The following CSTPP1 variants were observed in gnomAD, a reference collection of about 807,000 sequenced individuals.
CSTPP1 encodes centriolar satellite-associated tubulin polyglutamylase complex regulator 1.
chr11:47,052,290 C>G, the CSTPP1 span: 1 of 1,436,462 alleles, frequency 7.0e-7, no homozygotes. Context: ...AAAAATTCCC[C>G]GTTTTTGGCA....
chr11:47,135,826 G>A, the CSTPP1 span, among the ~76,000 whole-genome samples: 8 of 152,248 alleles, frequency 5.3e-5, no homozygotes, highest in South Asian at 1.2e-3. Context: ...AGAGAAGCAC[G>A]CAGTGATTTT....
the CSTPP1 span, among the ~76,000 whole-genome samples, chr11:47,087,557 G>A: frequency 6.6e-6 from 1 of 152,062 alleles, no homozygotes; most frequent in Admixed American, 6.6e-5. Context: ...AAATTAGCTG[G>A]GCATGGTGGT....
chr11:46,984,538 T>C, the CSTPP1 span, among the ~76,000 whole-genome samples: 5 of 152,168 alleles, frequency 3.3e-5, no homozygotes, highest in East Asian at 9.6e-4. Context: ...TTTCTTTCTT[T>C]CCTTTTTTAT....
the CSTPP1 span, among the ~76,000 whole-genome samples, chr11:47,114,904 G>T: frequency 6.6e-6 from 1 of 152,160 alleles, no homozygotes; most frequent in Admixed American, 6.6e-5. Flanking sequence ...TCCTTGTCTT[G>T]TGCCGGTTTT....
chr11:47,054,310 C>CA, the CSTPP1 span, among the ~76,000 whole-genome samples: 1,307 of 40,002 alleles, frequency 0.033, 34 homozygotes, highest in African/African-American at 0.057. Flanking sequence ...TACTCCGTCT[C>CA]AAAAAAAAAA....
chr11:47,154,599 T>C, the CSTPP1 span: 2 of 153,456 alleles, frequency 1.3e-5, no homozygotes, highest in African/African-American at 4.8e-5. Flanking sequence ...CAAGTGCAGA[T>C]TCCCCAATAG....
At chr11:47,088,840 C>T in the CSTPP1 span, among the ~76,000 whole-genome samples, 5 of 152,012 alleles carry the variant, frequency 3.3e-5, no homozygotes, top group Admixed American at 6.6e-5. Context: ...GCCACTGTGC[C>T]CGGCCAAATT....
chr11:47,120,783 T>A, the CSTPP1 span, among the ~76,000 whole-genome samples: 29 of 152,254 alleles, frequency 1.9e-4, no homozygotes, highest in African/African-American at 6.7e-4. This position sits in a 1 kb window ranked among gnomAD's most constrained non-coding sequence, Gnocchi z 4.2. Flanking sequence ...AGACATTCAA[T>A]GAGAGTAATG....
chr11:46,954,448 C>G, the CSTPP1 span, among the ~76,000 whole-genome samples: 1 of 152,050 alleles, frequency 6.6e-6, no homozygotes, highest in Non-Finnish European at 1.5e-5. Context: ...ACCCTGGAGG[C>G]TGAGGCAGGA....
chr11:47,056,863 T>G, the CSTPP1 span, among the ~76,000 whole-genome samples: 1 of 152,206 alleles, frequency 6.6e-6, no homozygotes, highest in African/African-American at 2.4e-5. Flanking sequence ...GAACTCCTAC[T>G]GCATTATTCT....
the CSTPP1 span, among the ~76,000 whole-genome samples, chr11:46,966,046 T>TTTTG: frequency 2.0e-5 from 3 of 152,134 alleles, no homozygotes; most frequent in South Asian, 2.1e-4. Flanking sequence ...AAAGTCTTTT[T>TTTTG]TTTGTTTGTT....
At chr11:47,079,347 C>T in the CSTPP1 span, among the ~76,000 whole-genome samples, 1 of 152,128 alleles carries the variant, frequency 6.6e-6, no homozygotes, top group Admixed American at 6.5e-5. Context: ...TATAGACTAC[C>T]TAGCCAGATG....
the CSTPP1 span, among the ~76,000 whole-genome samples, chr11:47,008,140 T>A: frequency 6.6e-6 from 1 of 151,988 alleles, no homozygotes; most frequent in Non-Finnish European, 1.5e-5. Flanking sequence ...GCTAATTTTT[T>A]GTTTTTAGTA....
chr11:47,013,983 A>G, the CSTPP1 span, among the ~76,000 whole-genome samples: 4 of 152,170 alleles, frequency 2.6e-5, no homozygotes, highest in Non-Finnish European at 5.9e-5. Context: ...AGGTGGGTGG[A>G]TTGTTTGAGC....
the CSTPP1 span, among the ~76,000 whole-genome samples, chr11:47,151,604 A>G: frequency 7.6e-6 from 1 of 131,742 alleles, no homozygotes; most frequent in African/African-American, 2.8e-5. Flanking sequence ...TGGCGGGGGG[A>G]AGTTTCCAGG....
chr11:47,000,216 A>G, the CSTPP1 span, among the ~76,000 whole-genome samples: 1 of 152,238 alleles, frequency 6.6e-6, no homozygotes, highest in Non-Finnish European at 1.5e-5. Context: ...GGGCGAGAGT[A>G]GCTCTAACTT....
At chr11:47,010,306 G>A in the CSTPP1 span, among the ~76,000 whole-genome samples, 180 of 152,256 alleles carry the variant, frequency 1.2e-3, no homozygotes, top group Non-Finnish European at 2.2e-3. Flanking sequence ...CAAAAGAGTG[G>A]GACCAGCTTT....
At chr11:47,082,149 C>CA in the CSTPP1 span, among the ~76,000 whole-genome samples, 12,704 of 83,010 alleles carry the variant, frequency 0.15, 771 homozygotes, top group African/African-American at 0.23. Flanking sequence ...GACCCTGTCT[C>CA]AAAAAAAAAA....
the CSTPP1 span, chr11:47,155,295 A>G: frequency 1.3e-6 from 2 of 1,565,234 alleles, no homozygotes; most frequent in Non-Finnish European, 1.8e-6. Context: ...GGCTCCGCAC[A>G]GGACCCTGTC....
Sources: allele counts gnomAD v4.1 joint callset (sites outside exome capture counted in the v4.1 genomes callset), GRCh38; gene constraint gnomAD v4.1.1; non-coding constraint Gnocchi (gnomAD v3.1); transcripts MANE v1.5; gene names NCBI Gene and HGNC (gene_info 2026-07-23, HGNC 2026-07-21).